The following NAV3 variants were observed in gnomAD, a reference collection of about 807,000 sequenced individuals.
NAV3 encodes the protein neuron navigator 3, also known as pore membrane and/or filament interacting like protein 1.
Under a neutral mutation model 244.7 loss-of-function variants are expected in NAV3, and 87 were observed. The ratio of observed to expected loss-of-function variants is 0.36; its 90% CI spans 0.30 to 0.42. The LOEUF (loss-of-function observed/expected upper bound fraction) is 0.42. Ranked by LOEUF, NAV3 falls within the 20% of genes least tolerant of loss-of-function variation. The pLI is 1.00. For missense variants in NAV3, 2,663 were observed against 2,893.3 expected, an observed-to-expected ratio of 0.92 and a Z score of 1.83; for synonymous variants, 1,126 against 1,042.2, an observed-to-expected ratio of 1.08 and a Z score of -1.55.
At chr12:77,824,969 C>T (rs1481863361) in intron 2 of NAV3, among the ~76,000 whole-genome samples, 2 of 152,052 alleles carry the variant, frequency 1.3e-5, no homozygotes, top group Admixed American at 1.3e-4. Flanking sequence ...AATATCTTAT[C>T]AGAAGTTGGA....
Position 78,119,552 on chromosome 12 carries a change from A to G in NAV3, c.3356A>G (p.Asn1119Ser), listed in dbSNP as rs751455284. 6.2e-7 allele frequency: 1 copy of G among 1,614,198 alleles called. No individual in the cohort carries two copies. The highest frequency in any genetic ancestry group is 8.5e-7 in the Non-Finnish European group (1 of 1,180,030). The change falls in exon 15 of 40, where the codon AAT (asparagine) becomes AGT (serine). Residue 1119 changes from asparagine (N) to serine (S), a missense_variant. Coordinates refer to ENST00000397909, the MANE Select transcript of NAV3 (RefSeq NM_001024383.2). ...GRKTSLDGSQ[N>S]QDDVVLHVSS... Reference sequence around the variant, plus strand: ...AAAACCAGTTTGGACGGTTCACAGAATCAGGATGATGTTGTGCTGCATGTT... The same window carrying G: ...AAAACCAGTTTGGACGGTTCACAGAGTCAGGATGATGTTGTGCTGCATGTT...
chr12:77,683,292 T>C (rs993047256), intron 2 of NAV3, among the ~76,000 whole-genome samples: 5 of 152,150 alleles, frequency 3.3e-5, no homozygotes, highest in Non-Finnish European at 4.4e-5. Flanking sequence ...TTGAGTATTC[T>C]TGGCATCTTT....
At chr12:77,881,525 A>G (rs190238904) in intron 1 of NAV3, among the ~76,000 whole-genome samples, 94 of 152,286 alleles carry the variant, frequency 6.2e-4, no homozygotes, top group Admixed American at 6.2e-3. Flanking sequence ...GGAACAAGAC[A>G]AGGATGCCCA....
intron 3 of NAV3, among the ~76,000 whole-genome samples, chr12:77,948,473 A>G (rs529401068): frequency 3.3e-5 from 5 of 152,122 alleles, no homozygotes; most frequent in Non-Finnish European, 5.9e-5. Flanking sequence ...GACCACTTTA[A>G]TAAATAATTG....
intron 3 of NAV3, among the ~76,000 whole-genome samples, chr12:77,949,065 A>G (rs1593086004): frequency 6.6e-6 from 1 of 152,008 alleles, no homozygotes; most frequent in South Asian, 2.1e-4. Context: ...GTGTGGATAG[A>G]CACAGAAAAT....
intron 2 of NAV3, among the ~76,000 whole-genome samples, chr12:77,814,645 G>A (rs1872455683): frequency 1.3e-5 from 2 of 152,092 alleles, no homozygotes; most frequent in South Asian, 4.1e-4. Context: ...GGCCTTAATA[G>A]CACAGGCCTA....
chr12:78,138,014 A>AT (rs1179866712), intron 19 of NAV3, among the ~76,000 whole-genome samples: 18 of 152,274 alleles, frequency 1.2e-4, no homozygotes, highest in African/African-American at 4.3e-4. Flanking sequence ...CAAATGTCAA[A>AT]TTTAACAATA....
At chr12:77,776,877 A>G (rs1307235466) in intron 2 of NAV3, among the ~76,000 whole-genome samples, 2 of 152,218 alleles carry the variant, frequency 1.3e-5, no homozygotes, top group African/African-American at 4.8e-5. Flanking sequence ...GCTACTTGGG[A>G]GGCTGTAACA....
At chr12:77,643,625 A>G (rs1300299603) in intron 2 of NAV3, among the ~76,000 whole-genome samples, 1 of 151,784 alleles carries the variant, frequency 6.6e-6, no homozygotes, top group Non-Finnish European at 1.5e-5. Flanking sequence ...TTTAAAGTAG[A>G]CATATTATAA....
intron 29 of NAV3, 41 bp downstream of exon 29, chr12:78,179,723 A>G: frequency 6.4e-7 from 1 of 1,569,956 alleles, no homozygotes; most frequent in Non-Finnish European, 8.6e-7. Flanking sequence ...ATGGAGAAAC[A>G]AAAAAATGCT....
At chr12:78,075,996 A>G (rs1032165257) in intron 12 of NAV3, among the ~76,000 whole-genome samples, 1 of 152,172 alleles carries the variant, frequency 6.6e-6, no homozygotes, top group Non-Finnish European at 1.5e-5. Flanking sequence ...AAGCATCTTC[A>G]TAGCCTAAGT....
rs111243195 is a variant in NAV3, at chr12:78,068,976, CT to C, written c.2636+9873del. 8.4e-3 allele frequency among the ~76,000 whole-genome samples: 1,181 copies of C among 140,774 alleles called. 15 individuals are homozygous for C. The highest frequency in any genetic ancestry group is 0.025 in the African/African-American group (964 of 38,910). 92.4% of individuals were successfully genotyped at this position (140,774 alleles called of 152,430 possible). ...TGCCTTCAAGAACTAGGCATGAATT[CT>C]TTTTTTTTTTTAATAGGCTAACTAA... On this transcript the variant is annotated intron_variant, in intron 12 of 39. Transcript: ENST00000397909.
intron 1 of NAV3, among the ~76,000 whole-genome samples, chr12:77,832,767 C>T (rs1873941355): frequency 6.6e-6 from 1 of 152,268 alleles, no homozygotes; most frequent in Non-Finnish European, 1.5e-5. Flanking sequence ...ACGATCCACA[C>T]TCCCCCTACC....
At chr12:77,865,502 C>G (rs1342770968) in intron 1 of NAV3, among the ~76,000 whole-genome samples, 1 of 151,926 alleles carries the variant, frequency 6.6e-6, no homozygotes, top group Non-Finnish European at 1.5e-5. Context: ...AAGAACATAT[C>G]CTCATTAATT....
chr12:78,112,524 G>A (rs1462257592), intron 12 of NAV3, among the ~76,000 whole-genome samples: 1 of 152,092 alleles, frequency 6.6e-6, no homozygotes, highest in Non-Finnish European at 1.5e-5. Context: ...CCTTCACATG[G>A]TAGCAGGAAG....
At chr12:78,132,798 T>A (rs1267337710) in intron 18 of NAV3, among the ~76,000 whole-genome samples, 1 of 152,156 alleles carries the variant, frequency 6.6e-6, no homozygotes, top group African/African-American at 2.4e-5. Context: ...TAAAATCCCA[T>A]CAGTGTGCTA....
intron 12 of NAV3, among the ~76,000 whole-genome samples, chr12:78,073,805 A>T (rs1952907116): frequency 6.6e-6 from 1 of 152,202 alleles, no homozygotes; most frequent in Non-Finnish European, 1.5e-5. Flanking sequence ...ACAAGGCTAC[A>T]GTAACCAAAA....
At chr12:78,105,147 C>T (rs188382998) in intron 12 of NAV3, among the ~76,000 whole-genome samples, 1 of 152,082 alleles carries the variant, frequency 6.6e-6, no homozygotes, top group South Asian at 2.1e-4. Context: ...CTTATACCAA[C>T]TGACAACATT....
At chr12:78,079,176 TG>T (rs1193622553) in intron 12 of NAV3, among the ~76,000 whole-genome samples, 2 of 152,220 alleles carry the variant, frequency 1.3e-5, no homozygotes, top group African/African-American at 4.8e-5. Context: ...GATGTGCCAT[TG>T]AGTCCTACAT....
Sources: allele counts gnomAD v4.1 joint callset (sites outside exome capture counted in the v4.1 genomes callset), GRCh38; gene constraint gnomAD v4.1.1; transcripts MANE v1.5; gene names NCBI Gene and HGNC (gene_info 2026-07-23, HGNC 2026-07-21).